Variants in SLC36A1 observed in about 807,000 individuals in gnomAD.
The protein encoded by SLC36A1 is solute carrier family 36 member 1, also known as proton-coupled amino acid transporter 1.
Under a neutral mutation model 47.5 loss-of-function variants are expected in SLC36A1, and 30 were observed. The ratio of observed to expected loss-of-function variants is 0.63; its 90% CI spans 0.47 to 0.86. SLC36A1 has a LOEUF of 0.86. SLC36A1 is among the 40% of genes least tolerant of loss of function. The pLI is 0.00. For missense variants in SLC36A1, 517 were observed against 606.0 expected (o/e 0.85, Z 1.54); for synonymous variants, 255 against 249.7 (o/e 1.02, Z -0.20).
the SLC36A1 span, among the ~76,000 whole-genome samples, chr5:151,428,984 G>A: frequency 6.6e-6 from 1 of 152,262 alleles, no homozygotes; most frequent in African/African-American, 2.4e-5. Context: ...TGTGAAATGG[G>A]TAAAGCTGTC....
chr5:151,537,705 T>G, the SLC36A1 span: 3 of 1,340,968 alleles, frequency 2.2e-6, no homozygotes, highest in Non-Finnish European at 3.1e-6. Context: ...GAATTCCTGT[T>G]TCTTCTCCAA....
At chr5:151,540,558 G>A in the SLC36A1 span, 1 of 1,603,552 alleles carries the variant, frequency 6.2e-7, no homozygotes, top group Non-Finnish European at 8.5e-7. Flanking sequence ...CCCCTCGCCA[G>A]GCTCTCACCT....
the SLC36A1 span, among the ~76,000 whole-genome samples, chr5:151,520,117 G>A: frequency 6.6e-6 from 1 of 152,254 alleles, no homozygotes; most frequent in African/African-American, 2.4e-5. Context: ...AAATCGAGTG[G>A]TCCCTGGACA....
In SLC36A1 at chr5:151,456,933, C is replaced by T. The variant is rs73270289; in HGVS notation, c.-5-1855C>T. Among the ~76,000 whole-genome samples, 1,190 of 152,192 alleles carry T rather than the reference C, an allele frequency of 7.8e-3. 24 individuals are homozygous for T. Among genetic ancestry groups the T allele is most frequent in the East Asian group, 0.026 (136 of 5,156 alleles). ...GTCGGGGCAGGGTGGGGTGCTGTGG[C>T]AGCAGTTGGAGGTCCTGTCTCCTCT... On this transcript the variant is annotated intron_variant, in intron 1 of 10. Coordinates refer to ENST00000243389, the MANE Select transcript of SLC36A1 (RefSeq NM_078483.4).
At chr5:151,449,427 A>AT (rs1753275823) in intron 1 of SLC36A1, among the ~76,000 whole-genome samples, 1 of 152,230 alleles carries the variant, frequency 6.6e-6, no homozygotes, top group Non-Finnish European at 1.5e-5. Context: ...GGCTACGTGC[A>AT]GCAGAGGCTG....
the SLC36A1 span, among the ~76,000 whole-genome samples, chr5:151,367,255 A>G: frequency 6.6e-6 from 1 of 152,112 alleles, no homozygotes; most frequent in Non-Finnish European, 1.5e-5. Context: ...AACCCTAGTA[A>G]GCCTGAGGGT....
At position 151,437,180 on chromosome 5, in the gene SLC36A1, G is replaced by A. The variant is rs993901225; in HGVS notation, c.-6+1G>A. The A allele has an allele frequency of 2.6e-5, 4 of 152,220 alleles. No individual in the cohort carries two copies. Among genetic ancestry groups the A allele is most frequent in the African/African-American group, 4.8e-5 (2 of 41,444 alleles). The allele number at this position is 152,220 out of a possible 1,614,324, so 9.4% of individuals were successfully genotyped here. On this transcript the variant is annotated splice_donor_variant, in intron 1 of 8. Coordinates refer to the SLC36A1 transcript ENST00000429484. LOFTEE classifies it low-confidence loss of function (5UTR_SPLICE). ...TGACAGCAAGGAAGCTGCTGGCTGA[G>A]TAAGAGTTTAGGGGAGGCTCTGAGT...
chr5:151,508,327 C>G, the SLC36A1 span, among the ~76,000 whole-genome samples: 6 of 152,340 alleles, frequency 3.9e-5, no homozygotes, highest in East Asian at 9.6e-4. Flanking sequence ...ACACCACTTT[C>G]AGCTGTGAAA....
At chr5:151,383,884 T>C in the SLC36A1 span, among the ~76,000 whole-genome samples, 89 of 152,142 alleles carry the variant, frequency 5.8e-4, no homozygotes, top group African/African-American at 2.1e-3. Context: ...TTAACTTAAA[T>C]TTTTTTCAGC....
intron 1 of SLC36A1, among the ~76,000 whole-genome samples, chr5:151,449,058 T>G (rs1753229091): frequency 6.6e-6 from 1 of 152,018 alleles, no homozygotes; most frequent in Admixed American, 6.6e-5. Flanking sequence ...CTGACCAGGG[T>G]CTGTTTGTTT....
the SLC36A1 span, chr5:151,542,962 A>G: frequency 3.1e-6 from 5 of 1,614,104 alleles, no homozygotes; most frequent in African/African-American, 6.7e-5. Flanking sequence ...ACTGTAGATG[A>G]CTGGATCTTG....
chr5:151,480,780 C>T (rs1758687481), intron 10 of SLC36A1, among the ~76,000 whole-genome samples: 1 of 152,158 alleles, frequency 6.6e-6, no homozygotes, highest in African/African-American at 2.4e-5. Flanking sequence ...GAGGAGACAG[C>T]TTTCACGTGT....
chr5:151,424,405 C>CTAAGAAGGCACACAAGT, the SLC36A1 span, among the ~76,000 whole-genome samples: 2 of 151,930 alleles, frequency 1.3e-5, no homozygotes, highest in African/African-American at 4.8e-5. Context: ...GGCAGACAAG[C>CTAAGAAGGCACACAAGT]GAAGCTAAGA....
At chr5:151,416,968 G>A in the SLC36A1 span, among the ~76,000 whole-genome samples, 1 of 152,290 alleles carries the variant, frequency 6.6e-6, no homozygotes, top group African/African-American at 2.4e-5. Flanking sequence ...CACTTCTCCT[G>A]CCTACCACCT....
chr5:151,544,222 C>G, the SLC36A1 span: 1 of 1,614,164 alleles, frequency 6.2e-7, no homozygotes, highest in Non-Finnish European at 8.5e-7. Context: ...ACGGTTCCGC[C>G]CTGAGTCCTG....
chr5:151,348,276 A>G, the SLC36A1 span, among the ~76,000 whole-genome samples: 2 of 152,282 alleles, frequency 1.3e-5, no homozygotes, highest in African/African-American at 4.8e-5. Flanking sequence ...AGATTTGTCT[A>G]AGGTCACACA....
the SLC36A1 span, among the ~76,000 whole-genome samples, chr5:151,356,131 G>T: frequency 1.3e-5 from 2 of 151,772 alleles, no homozygotes; most frequent in Non-Finnish European, 2.9e-5. Context: ...CTGAGGTCAG[G>T]TGTTCAAGCC....
At chr5:151,382,664 G>T in the SLC36A1 span, among the ~76,000 whole-genome samples, 1 of 152,270 alleles carries the variant, frequency 6.6e-6, no homozygotes, top group Non-Finnish European at 1.5e-5. Flanking sequence ...GAAATCAATT[G>T]TGGCACATAG....
intron 1 of SLC36A1, chr5:151,450,906 C>T (rs7706041): frequency 0.26 from 38,872 of 152,142 alleles, 5,879 homozygotes; most frequent in African/African-American, 0.41. Flanking sequence ...ACATGGAATC[C>T]GTTTATTTCC....
Sources: gnomAD v4.1 joint callset for allele counts (sites outside exome capture counted in the v4.1 genomes callset) on GRCh38, gnomAD v4.1.1 for gene constraint, MANE v1.5 for transcripts, NCBI Gene and HGNC (gene_info 2026-07-23, HGNC 2026-07-21) for gene names.